Variants in OPN3 observed in about 807,000 individuals in gnomAD.
The protein encoded by OPN3 is opsin-3.
In OPN3, 29 loss-of-function variants were observed where a neutral mutation model predicts 33.8. That is an observed-to-expected ratio of 0.86 (90% CI 0.64 to 1.17). OPN3 has a LOEUF of 1.17. Among genes scored for constraint, OPN3 ranks in the 50% most tolerant of loss-of-function variants. OPN3 has a pLI of 0.00. For synonymous variants in OPN3, 216 were observed against 216.1 expected, an observed-to-expected ratio of 1.00 and a Z score of 0.00; for missense variants, 437 against 514.1, an observed-to-expected ratio of 0.85 and a Z score of 1.45.
intron 1 of OPN3, among the ~76,000 whole-genome samples, chr1:241,607,083 A>T (rs577866600): frequency 6.6e-6 from 1 of 152,284 alleles, no homozygotes; most frequent in African/African-American, 2.4e-5. Flanking sequence ...GAGGGTGGGG[A>T]GCAATATTAT....
chr1:241,627,219 G>A (rs1286271892), intron 1 of OPN3, among the ~76,000 whole-genome samples: 1 of 152,020 alleles, frequency 6.6e-6, no homozygotes, highest in African/African-American at 2.4e-5. Flanking sequence ...ATCGGAGTTG[G>A]CCCATTTTAT....
intron 1 of OPN3, among the ~76,000 whole-genome samples, chr1:241,622,959 CT>C (rs1664308396): frequency 6.6e-6 from 1 of 152,088 alleles, no homozygotes; most frequent in South Asian, 2.1e-4. Context: ...GGCTTAGTTT[CT>C]TTGTATTTGG....
intron 1 of OPN3, among the ~76,000 whole-genome samples, chr1:241,608,554 G>C (rs1052500080): frequency 5.9e-5 from 9 of 152,208 alleles, no homozygotes; most frequent in African/African-American, 1.7e-4. Context: ...GACACAGAAA[G>C]GGACGCAGCT....
At chr1:241,600,222 T>C (rs1558437427) in intron 2 of OPN3, among the ~76,000 whole-genome samples, 1 of 152,244 alleles carries the variant, frequency 6.6e-6, no homozygotes, top group Non-Finnish European at 1.5e-5. Context: ...AAGGAGAAGA[T>C]ATTGACTAAT....
intron 1 of OPN3, among the ~76,000 whole-genome samples, chr1:241,626,564 A>C (rs1664424086): frequency 6.6e-6 from 1 of 152,210 alleles, no homozygotes; most frequent in African/African-American, 2.4e-5. Context: ...TTAGGAAATT[A>C]ACTGTATTAT....
intron 1 of OPN3, among the ~76,000 whole-genome samples, chr1:241,618,923 AAATAGAG>A (rs891995718): frequency 1.7e-4 from 26 of 151,222 alleles, no homozygotes; most frequent in Non-Finnish European, 3.5e-4. Context: ...CATCTTTAAG[AAATAGAG>A]AATAAAGAGA....
chr1:241,621,128 A>AT (rs1354456374), intron 1 of OPN3, among the ~76,000 whole-genome samples: 1 of 152,220 alleles, frequency 6.6e-6, no homozygotes, highest in Non-Finnish European at 1.5e-5. Context: ...AATTCTTTAG[A>AT]TAAAAACAAA....
chr1:241,637,927 C>T (rs1017559050), intron 1 of OPN3, among the ~76,000 whole-genome samples: 1 of 152,180 alleles, frequency 6.6e-6, no homozygotes, highest in Non-Finnish European at 1.5e-5. Context: ...TTCAATACTC[C>T]ACTGTTAGGT....
intron 1 of OPN3, among the ~76,000 whole-genome samples, chr1:241,624,862 T>C (rs907253582): frequency 6.7e-6 from 1 of 149,782 alleles, no homozygotes; most frequent in Non-Finnish European, 1.5e-5. Flanking sequence ...CTTCTACCAC[T>C]TACCAGCTGT....
chr1:241,640,261 G>T lies in OPN3; in HGVS notation c.-7C>A, dbSNP rs1447404634. 44 of 1,197,520 alleles carry T rather than the reference G, an allele frequency of 3.7e-5. No individual in the cohort carries two copies. The highest frequency in any genetic ancestry group is 8.4e-5 in the South Asian group (2 of 23,850). 74.2% of individuals were successfully genotyped at this position (1,197,520 alleles called of 1,614,324 possible). ...TGCGGTTCCCCGAGTACATGGCCCG[G>T]CGCCGGCGCGCCTGGCGGGCGGAGG... On this transcript the variant is annotated 5_prime_UTR_variant, in exon 1 of 4. Transcript: ENST00000366554.
At position 241,594,950 on chromosome 1, in the gene OPN3, C is replaced by T. The variant is rs546396765; in HGVS notation, c.946-259G>A. The stretch of plus-strand genomic sequence containing the variant: ...AATCCTCCAAGCTTCAATCTGCACA[C>T]ACTTTCTATGAGGGCAGGTACAACT... On this transcript the variant is annotated intron_variant, in intron 3 of 3. Transcript: ENST00000366554. 3.0e-5 allele frequency: 12 copies of T among 400,128 alleles called. No homozygotes were observed. The East Asian group carries it at 5.3e-4, about 18-fold the overall frequency. The allele number at this position is 400,128 out of a possible 1,614,324, so 24.8% of individuals were successfully genotyped here. A position where few individuals can be genotyped will look rare whatever the true frequency, so the allele number is the denominator to read the frequency against.
chr1:241,604,242 C>T lies in OPN3; in HGVS notation c.693+18G>A, dbSNP rs1558438444. On this transcript the variant is annotated intron_variant, in intron 2 of 3. Transcript: ENST00000366554. ...TGGATGTGGTTTGGGAGGGGGGCAT[C>T]TGTAGTCTTCAACTCACCATTCGAA... is the stretch of plus-strand genomic sequence containing the variant. The T allele has an allele frequency of 2.5e-6, 4 of 1,606,110 alleles. No individual in the cohort carries two copies. Among genetic ancestry groups the T allele is most frequent in the Non-Finnish European group, 2.6e-6 (3 of 1,174,422 alleles).
chr1:241,609,105 C>T (rs1482825242), intron 1 of OPN3, among the ~76,000 whole-genome samples: 3 of 152,146 alleles, frequency 2.0e-5, no homozygotes. Flanking sequence ...GCCTTATTAA[C>T]GCAAATAAAA....
intron 1 of OPN3, among the ~76,000 whole-genome samples, chr1:241,622,041 G>A (rs1489749149): frequency 1.3e-5 from 2 of 152,124 alleles, no homozygotes; most frequent in Non-Finnish European, 2.9e-5. Flanking sequence ...ACAGTGCTGT[G>A]GGGAGAGAGA....
chr1:241,629,586 T>G (rs1256837265), intron 1 of OPN3: 1 of 152,170 alleles, frequency 6.6e-6, no homozygotes, highest in Non-Finnish European at 1.5e-5. Context: ...TCTTGTTTTG[T>G]CTTTTTCCTA....
At chr1:241,606,546 A>AAAATAAATAAATAAAT (rs10677298) in intron 1 of OPN3, among the ~76,000 whole-genome samples, 22 of 142,072 alleles carry the variant, frequency 1.5e-4, no homozygotes, top group Non-Finnish European at 2.4e-4. Context: ...ACTCTGATTC[A>AAAATAAATAAATAAAT]AAATAAATAA....
chr1:241,638,073 C>T (rs951025191), intron 1 of OPN3, among the ~76,000 whole-genome samples: 1 of 152,206 alleles, frequency 6.6e-6, no homozygotes, highest in African/African-American at 2.4e-5. Context: ...TCTATAGTAA[C>T]TTCACTACTA....
Position 241,604,350 on chromosome 1 carries a change from G to A in OPN3, c.603C>T (p.Ser201=). ...DWKSKDANDS[S]FVLFLFLGCL... Reference sequence around the variant, plus strand: ...AGCCAAGAAATAAGAAAAGCACAAAGGAGGAATCGTTGGCATCCTTGGATT... The same window carrying A: ...AGCCAAGAAATAAGAAAAGCACAAAAGAGGAATCGTTGGCATCCTTGGATT... Residue 201 remains serine, a synonymous_variant, in exon 2 of 4, where the codon TCC becomes TCT. Coordinates refer to ENST00000366554, the MANE Select transcript of OPN3 (RefSeq NM_014322.3). 1 of 1,614,188 alleles carries A rather than the reference G, an allele frequency of 6.2e-7. No individual in the cohort carries two copies. The highest frequency in any genetic ancestry group is 1.1e-5 in the South Asian group (1 of 91,086).
chr1:241,611,205 A>C lies in OPN3; in HGVS notation c.374-6626T>G, dbSNP rs139584448. Among the ~76,000 whole-genome samples, 909 of 152,300 alleles carry C rather than the reference A, an allele frequency of 6.0e-3. 6 individuals carry two copies. Among genetic ancestry groups the C allele is most frequent in the Non-Finnish European group, 0.01 (702 of 68,040 alleles). On this transcript the variant is annotated intron_variant, in intron 1 of 3. Transcript: ENST00000366554. ...TTTGGCCACTAGATGGCCACATTGA[A>C]TAGCTTATTTATAGTTCAAGTATCT... is the stretch of plus-strand genomic sequence containing the variant.
Sources: allele counts gnomAD v4.1 joint callset (sites outside exome capture counted in the v4.1 genomes callset), GRCh38; gene constraint gnomAD v4.1.1; transcripts MANE v1.5; gene names NCBI Gene and HGNC (gene_info 2026-07-23, HGNC 2026-07-21).